ADGRE5: variants seen among roughly 807,000 people sequenced by gnomAD.
The protein encoded by ADGRE5 is adhesion G protein-coupled receptor E5, also known as CD97 molecule.
Under a neutral mutation model 100.3 loss-of-function variants are expected in ADGRE5, and 72 were observed. The observed-to-expected ratio is 0.72, with a 90% CI of 0.59 to 0.87. The LOEUF (loss-of-function observed/expected upper bound fraction) is 0.87, where lower values mean the gene tolerates loss of function less well. ADGRE5 is among the 40% of genes least tolerant of loss of function. The pLI, the probability that ADGRE5 is intolerant of heterozygous loss-of-function variation, is 0.00. For missense variants in ADGRE5, 959 were observed against 1,094.7 expected, an observed-to-expected ratio of 0.88 and a Z score of 1.75; for synonymous variants, 439 against 447.8, an observed-to-expected ratio of 0.98 and a Z score of 0.25.
At chr19:14,382,579 T>C (rs989507761) in intron 1 of ADGRE5, among the ~76,000 whole-genome samples, 2 of 152,122 alleles carry the variant, frequency 1.3e-5, no homozygotes, top group African/African-American at 4.8e-5. Flanking sequence ...TTTAAAAGTG[T>C]TGGCTGGGCA....
At position 14,408,606 on chromosome 19, in the gene ADGRE5, C is replaced by A; in HGVS notation, c.*485C>A. 2.3e-6 allele frequency: 1 copy of A among 439,216 alleles called. No homozygotes were observed. The highest frequency in any genetic ancestry group is 4.0e-6 in the Non-Finnish European group (1 of 248,352). 27.2% of individuals were successfully genotyped at this position (439,216 alleles called of 1,614,324 possible). A position where few individuals can be genotyped will look rare whatever the true frequency, so the allele number is the denominator to read the frequency against. On this transcript the variant is annotated 3_prime_UTR_variant, in exon 20 of 20. Transcript: ENST00000242786. ...GAGGCTCACGGTACAGAGGCCTGCCCTGCCTGGCCGGGCAGGAGGTTCTCA... is the reference window on the plus strand; with the variant it reads ...GAGGCTCACGGTACAGAGGCCTGCCATGCCTGGCCGGGCAGGAGGTTCTCA...
Position 14,408,279 on chromosome 19 carries a change from C to A in ADGRE5, c.*158C>A. 1 of 830,390 alleles carries A rather than the reference C, an allele frequency of 1.2e-6. No individual in the cohort carries two copies. Among genetic ancestry groups the A allele is most frequent in the Non-Finnish European group, 2.0e-6 (1 of 510,170 alleles). 51.4% of individuals were successfully genotyped at this position (830,390 alleles called of 1,614,324 possible). ...GGGAGTGGCAGCTATAGTCTGGCAC[C>A]AAAGTCCAGGACACCCAGTGGGGTG... On this transcript the variant is annotated 3_prime_UTR_variant, in exon 20 of 20. Transcript: ENST00000242786.
chr19:14,407,835 G>C, intron 18 of ADGRE5, 73 bp from the exon 19 acceptor site: 2 of 1,279,770 alleles, frequency 1.6e-6, no homozygotes, highest in Non-Finnish European at 2.3e-6. Context: ...GTGGGGCTGA[G>C]GGCAGAGCAT....
At chr19:14,381,607 G>C in intron 1 of ADGRE5, 62 bp downstream of exon 1, 1 of 1,559,422 alleles carries the variant, frequency 6.4e-7, no homozygotes. Context: ...CCTTGGCTGC[G>C]TCTGAGAAAC....
Position 14,401,661 on chromosome 19 carries a change from C to T in ADGRE5, c.1084C>T (p.Leu362=). ...YISPSNTELT[L]MIQERGDKNV... The stretch of plus-strand genomic sequence containing the variant: ...TGCCCCTCTCCCCTCAGAGCTGACC[C>T]TGATGATCCAGGAGCGGGGGGACAA... Residue 362 remains leucine (L), a synonymous_variant, in exon 11 of 20, where the codon CTG becomes TTG. Transcript: ENST00000242786. The surrounding 1 kb of genome is among the most constrained non-coding windows in gnomAD (Gnocchi z 4.1). 4 of 1,598,364 alleles carry T rather than the reference C, an allele frequency of 2.5e-6. No individual in the cohort carries two copies. The highest frequency in any genetic ancestry group is 1.7e-5 in the Admixed American group (1 of 57,418).
intron 1 of ADGRE5, among the ~76,000 whole-genome samples, chr19:14,384,940 C>T (rs1975283990): frequency 7.3e-6 from 1 of 136,584 alleles, no homozygotes. Flanking sequence ...CTCTGTCCCT[C>T]TATCTCTCTG....
At position 14,408,210 on chromosome 19, in the gene ADGRE5, C is replaced by G; in HGVS notation, c.*89C>G. On this transcript the variant is annotated 3_prime_UTR_variant, in exon 20 of 20. Coordinates refer to ENST00000242786, the MANE Select transcript of ADGRE5 (RefSeq NM_078481.4). ...ATCCATCCTCCCTTCGTCCACCACT[C>G]TACTCCCTCCACCCTCCCTCCCTGA... 2.2e-6 allele frequency: 3 copies of G among 1,390,926 alleles called. No homozygotes were observed. Among genetic ancestry groups the G allele is most frequent in the South Asian group, 2.4e-5 (2 of 83,368 alleles). The allele number at this position is 1,390,926 out of a possible 1,614,324, so 86.2% of individuals were successfully genotyped here.
intron 6 of ADGRE5, 163 bp from the exon 7 acceptor site, chr19:14,397,495 G>A (rs1271073930): frequency 1.6e-5 from 11 of 674,390 alleles, no homozygotes; most frequent in Non-Finnish European, 2.0e-5. Flanking sequence ...TCATCTGCAC[G>A]GGGCCCACCT....
intron 9 of ADGRE5, among the ~76,000 whole-genome samples, chr19:14,399,646 G>C (rs1313125867): frequency 6.6e-6 from 1 of 150,996 alleles, no homozygotes; most frequent in Non-Finnish European, 1.5e-5. Context: ...AGGAGGCTGA[G>C]GCAGGAGATT....
At chr19:14,388,928 T>C (rs1975459668) in intron 3 of ADGRE5, 110 bp downstream of exon 3, 1 of 1,031,458 alleles carries the variant, frequency 9.7e-7, no homozygotes, top group Non-Finnish European at 1.5e-6. Flanking sequence ...TTCCAGACTA[T>C]CATCATGGCC....
intron 1 of ADGRE5, among the ~76,000 whole-genome samples, chr19:14,386,066 T>TG (rs1220506086): frequency 2.0e-5 from 3 of 150,656 alleles, no homozygotes; most frequent in Non-Finnish European, 4.4e-5. Flanking sequence ...CCACTGTGCC[T>TG]GACCACGCCT....
intron 3 of ADGRE5, 30 bp downstream of exon 3, chr19:14,388,848 C>T (rs1423710594): frequency 6.3e-7 from 1 of 1,597,714 alleles, no homozygotes; most frequent in Admixed American, 1.7e-5. Context: ...GCGCAGGGGA[C>T]ATCCGCGATT....
At chr19:14,398,269 C>A in intron 9 of ADGRE5, 130 bp downstream of exon 9, 1 of 753,384 alleles carries the variant, frequency 1.3e-6, no homozygotes, top group Non-Finnish European at 2.3e-6. Context: ...ATAACATACA[C>A]ACACCACATA....
intron 18 of ADGRE5, among the ~76,000 whole-genome samples, chr19:14,407,460 G>A (rs1436920382): frequency 6.6e-6 from 1 of 152,088 alleles, no homozygotes; most frequent in African/African-American, 2.4e-5. Context: ...GACCAGCCTG[G>A]CCAACATGGT....
chr19:14,389,016 C>T (rs1159745657), intron 3 of ADGRE5, among the ~76,000 whole-genome samples, 198 bp downstream of exon 3: 5 of 148,988 alleles, frequency 3.4e-5, no homozygotes, highest in African/African-American at 9.9e-5. Flanking sequence ...GCGGGCAGAT[C>T]GTTTGAGGCC....
intron 9 of ADGRE5, among the ~76,000 whole-genome samples, chr19:14,398,790 G>A (rs1033555160): frequency 6.7e-5 from 10 of 150,340 alleles, no homozygotes; most frequent in African/African-American, 1.9e-4. Flanking sequence ...TCTGGGCCTC[G>A]GTTTTCTCAT....
chr19:14,396,139 A>G, intron 4 of ADGRE5: 1 of 800,920 alleles, frequency 1.2e-6, no homozygotes. Context: ...GGAGAAGGGG[A>G]GGACTTGGCT....
intron 1 of ADGRE5, among the ~76,000 whole-genome samples, chr19:14,382,813 G>A (rs12974722): frequency 1.3e-4 from 19 of 151,846 alleles, no homozygotes; most frequent in African/African-American, 4.3e-4. Flanking sequence ...GGGTTCAAGC[G>A]ATTCTCCTGC....
At chr19:14,398,312 G>A (rs1018722100) in intron 9 of ADGRE5, 173 bp downstream of exon 9, 4 of 630,834 alleles carry the variant, frequency 6.3e-6, no homozygotes, top group Admixed American at 2.6e-5. Context: ...ACCCGGACAC[G>A]TGAAGACACA....
Sources: gnomAD v4.1 joint callset for allele counts (sites outside exome capture counted in the v4.1 genomes callset) on GRCh38, gnomAD v4.1.1 for gene constraint, Gnocchi (gnomAD v3.1) non-coding constraint, MANE v1.5 for transcripts, NCBI Gene and HGNC (gene_info 2026-07-23, HGNC 2026-07-21) for gene names.